The following MTMR7 variants were observed in gnomAD, a reference collection of about 807,000 sequenced individuals.
MTMR7 encodes phosphatidylinositol-3-phosphate phosphatase MTMR7.
A neutral mutation model predicts 81.2 loss-of-function variants in MTMR7; 76 were observed. The observed-to-expected ratio is 0.94, with a 90% confidence interval of 0.78 to 1.13. The LOEUF (loss-of-function observed/expected upper bound fraction) is 1.13, where lower values mean the gene tolerates loss of function less well. Ranked by LOEUF, MTMR7 falls within the 50% of genes most tolerant of loss-of-function variation. MTMR7 has a pLI of 0.00. For missense variants in MTMR7, 1,044 were observed against 820.0 expected, an observed-to-expected ratio of 1.27 and a Z score of -3.34; for synonymous variants, 372 against 289.8, an observed-to-expected ratio of 1.28 and a Z score of -2.88.
intron 10 of MTMR7, among the ~76,000 whole-genome samples, chr8:17,306,184 A>G (rs548602153): frequency 6.6e-6 from 1 of 152,316 alleles, no homozygotes; most frequent in East Asian, 1.9e-4. Flanking sequence ...TATAGTTACA[A>G]AAGAAAGTGT....
chr8:17,315,891 C>G (rs1196396936), intron 7 of MTMR7, among the ~76,000 whole-genome samples: 2 of 152,098 alleles, frequency 1.3e-5, no homozygotes, highest in African/African-American at 4.8e-5. Flanking sequence ...CACATGCCTA[C>G]TGTCCCAGCT....
In MTMR7 at chr8:17,300,219, C is replaced by T. The variant is rs746503890; in HGVS notation, c.1626G>A (p.Leu542=). Residue 542 remains leucine, a synonymous_variant, in exon 14 of 14, where the codon CTG becomes CTA. Transcript: ENST00000180173. The stretch of plus-strand genomic sequence containing the variant: ...TTAACTGGACCTTTTGAATTTTTTC[C>T]AGCCTCTAAGAAAGAAATAACAATT... The part of the protein sequence containing the change: ...EEELEALEER[L]EKIQKVQLNC... 25 of 1,602,598 alleles carry T rather than the reference C, an allele frequency of 1.6e-5. No individual in the cohort carries two copies. Among genetic ancestry groups the T allele is most frequent in the South Asian group, 7.8e-5 (7 of 89,888 alleles).
intron 6 of MTMR7, among the ~76,000 whole-genome samples, chr8:17,334,105 C>T (rs75275207): frequency 6.6e-6 from 1 of 152,144 alleles, no homozygotes. Context: ...ACACAAATAA[C>T]CTCCTGAACA....
intron 1 of MTMR7, among the ~76,000 whole-genome samples, chr8:17,376,073 C>G (rs549645045): frequency 6.6e-6 from 1 of 152,248 alleles, no homozygotes; most frequent in South Asian, 2.1e-4. Flanking sequence ...CAGTCACATC[C>G]CAGTTATTCC....
At chr8:17,388,900 G>A (rs900055874) in intron 1 of MTMR7, among the ~76,000 whole-genome samples, 4 of 152,158 alleles carry the variant, frequency 2.6e-5, no homozygotes, top group Non-Finnish European at 4.4e-5. Context: ...AGGACAGACT[G>A]CATAATTGGC....
intron 11 of MTMR7, 59 bp downstream of exon 11, chr8:17,305,698 T>A: frequency 2.1e-6 from 3 of 1,455,326 alleles, no homozygotes; most frequent in Non-Finnish European, 2.8e-6. Flanking sequence ...CCACCTAAAA[T>A]TCTCAGTCAT....
chr8:17,404,846 G>C (rs900542753), intron 1 of MTMR7, among the ~76,000 whole-genome samples: 1 of 152,274 alleles, frequency 6.6e-6, no homozygotes, highest in East Asian at 1.9e-4. Context: ...GTTTTGTTGA[G>C]ACGGAGTCTT....
intron 1 of MTMR7, among the ~76,000 whole-genome samples, chr8:17,411,489 G>C (rs1403869727): frequency 6.6e-6 from 1 of 152,130 alleles, no homozygotes; most frequent in Non-Finnish European, 1.5e-5. Context: ...GCACATGAAA[G>C]GTTCTAAATG....
intron 4 of MTMR7, among the ~76,000 whole-genome samples, chr8:17,352,270 G>A (rs933268646): frequency 6.6e-6 from 1 of 152,116 alleles, no homozygotes; most frequent in Admixed American, 6.5e-5. Flanking sequence ...ATGGAATAGA[G>A]AACCCAGAAG....
intron 1 of MTMR7, among the ~76,000 whole-genome samples, chr8:17,374,636 T>TAAATA (rs1254676864): frequency 5.6e-5 from 8 of 143,098 alleles, no homozygotes; most frequent in Admixed American, 3.4e-4. Flanking sequence ...AATAAATAAA[T>TAAATA]AAATAAAATA....
chr8:17,336,897 G>A (rs1459601516), intron 6 of MTMR7, among the ~76,000 whole-genome samples: 2 of 152,176 alleles, frequency 1.3e-5, no homozygotes, highest in African/African-American at 4.8e-5. Context: ...AAAACACCAT[G>A]GTCAAACGGA....
chr8:17,349,098 CA>C lies in MTMR7; in HGVS notation c.469-18del. Reference sequence around the variant, plus strand: ...GTCACAGACCTGTCACCAGAAAATACAAAGAGATTTTTAGGCCATCTAGTAA... The same window carrying C: ...GTCACAGACCTGTCACCAGAAAATACAAGAGATTTTTAGGCCATCTAGTAA... On this transcript the variant is annotated intron_variant, in intron 4 of 13. Transcript: ENST00000180173. 16 of 1,609,482 alleles carry C rather than the reference CA, an allele frequency of 9.9e-6. No homozygotes were observed. Among genetic ancestry groups the C allele is most frequent in the Non-Finnish European group, 1.4e-5 (16 of 1,178,786 alleles).
intron 1 of MTMR7, among the ~76,000 whole-genome samples, chr8:17,393,994 C>T (rs1821177733): frequency 6.6e-6 from 1 of 152,182 alleles, no homozygotes; most frequent in African/African-American, 2.4e-5. Flanking sequence ...ACTCAAACTA[C>T]CACAAGATAC....
At chr8:17,302,506 A>G (rs1817183684) in intron 12 of MTMR7, 2 of 459,726 alleles carry the variant, frequency 4.4e-6, no homozygotes, top group Admixed American at 7.9e-5. Flanking sequence ...GTCTGCCTGT[A>G]TATATGAATT....
At chr8:17,403,908 TG>T (rs1176213935) in intron 1 of MTMR7, among the ~76,000 whole-genome samples, 11 of 152,250 alleles carry the variant, frequency 7.2e-5, no homozygotes, top group Non-Finnish European at 1.3e-4. Flanking sequence ...TACTGCTTTT[TG>T]TATTTTGATT....
At chr8:17,366,115 T>C (rs1333932626) in intron 3 of MTMR7, among the ~76,000 whole-genome samples, 1 of 152,088 alleles carries the variant, frequency 6.6e-6, no homozygotes, top group East Asian at 1.9e-4. Flanking sequence ...AGACATCAGG[T>C]ACAAACTCTC....
intron 5 of MTMR7, among the ~76,000 whole-genome samples, chr8:17,342,747 C>G (rs1054305833): frequency 2.6e-5 from 4 of 152,152 alleles, no homozygotes; most frequent in Middle Eastern, 3.4e-3. Flanking sequence ...AGCCTGAGGC[C>G]TACAGCCAGA....
At chr8:17,392,039 T>A (rs1821124599) in intron 1 of MTMR7, among the ~76,000 whole-genome samples, 1 of 152,108 alleles carries the variant, frequency 6.6e-6, no homozygotes, top group South Asian at 2.1e-4. Context: ...GGACTCCCTC[T>A]GAGTGCAGTA....
chr8:17,392,008 A>G (rs1009629411), intron 1 of MTMR7, among the ~76,000 whole-genome samples: 1 of 152,098 alleles, frequency 6.6e-6, no homozygotes, highest in Non-Finnish European at 1.5e-5. Flanking sequence ...CCTAAGAAAT[A>G]TGGTACAAAA....
Sources: allele counts gnomAD v4.1 joint callset (sites outside exome capture counted in the v4.1 genomes callset), GRCh38; gene constraint gnomAD v4.1.1; transcripts MANE v1.5; gene names NCBI Gene and HGNC (gene_info 2026-07-23, HGNC 2026-07-21).